The following GOLM2 variants were observed in gnomAD, a reference collection of about 807,000 sequenced individuals.
GOLM2 encodes golgi membrane protein 2.
GOLM2 carries 26 observed loss-of-function variants against 55.9 expected under a neutral mutation model. The observed-to-expected ratio is 0.47, with a 90% CI of 0.34 to 0.65. The LOEUF (loss-of-function observed/expected upper bound fraction) is 0.65. Among genes scored for constraint, GOLM2 ranks in the 30% least tolerant of loss-of-function variants. GOLM2 has a pLI of 0.01. For synonymous variants in GOLM2, 165 were observed against 194.6 expected, an observed-to-expected ratio of 0.85 and a Z score of 1.27; for missense variants, 486 against 531.8, an observed-to-expected ratio of 0.91 and a Z score of 0.85.
intron 3 of GOLM2, among the ~76,000 whole-genome samples, chr15:44,329,945 C>G (rs933746052): frequency 6.9e-6 from 1 of 145,002 alleles, no homozygotes; most frequent in Non-Finnish European, 1.5e-5. Flanking sequence ...GTCTCTCGCT[C>G]TGTCGCCCAG....
chr15:44,305,760 C>T (rs2078832777), intron 1 of GOLM2, among the ~76,000 whole-genome samples: 1 of 152,150 alleles, frequency 6.6e-6, no homozygotes, highest in South Asian at 2.1e-4. Flanking sequence ...ACTCCTTGCT[C>T]CATGGGTTGC....
At chr15:44,401,119 G>A (rs75260922) in intron 8 of GOLM2, among the ~76,000 whole-genome samples, 8 of 151,850 alleles carry the variant, frequency 5.3e-5, no homozygotes, top group African/African-American at 1.9e-4. Context: ...ATTTATCTAT[G>A]TATTTATCTT....
At position 44,414,504 on chromosome 15, in the gene GOLM2, A is replaced by G. The variant is rs574750928; in HGVS notation, c.*1098A>G. On this transcript the variant is annotated 3_prime_UTR_variant, in exon 10 of 10. Transcript: ENST00000299957. Reference sequence around the variant, plus strand: ...ATAGCCAGAACTGGCTAAAATTTTTATATTTTCAGAGTTGAAGTTGGTGAA... The same window carrying G: ...ATAGCCAGAACTGGCTAAAATTTTTGTATTTTCAGAGTTGAAGTTGGTGAA... 1.2e-4 allele frequency: 19 copies of G among 152,300 alleles called. No homozygotes were observed. The highest frequency in any genetic ancestry group is 3.4e-4 in the African/African-American group (14 of 41,576). The allele number at this position is 152,300 out of a possible 1,614,324, so 9.4% of individuals were successfully genotyped here. A position where few individuals can be genotyped will look rare whatever the true frequency, so the allele number is the denominator to read the frequency against.
intron 3 of GOLM2, among the ~76,000 whole-genome samples, chr15:44,329,696 A>G (rs560462545): frequency 6.6e-6 from 1 of 152,086 alleles, no homozygotes; most frequent in Non-Finnish European, 1.5e-5. Context: ...CCAGAAGTTA[A>G]AAGACCAGCC....
chr15:44,370,513 T>C (rs962830074), intron 6 of GOLM2, among the ~76,000 whole-genome samples: 2 of 152,070 alleles, frequency 1.3e-5, no homozygotes, highest in African/African-American at 4.8e-5. Flanking sequence ...CAGTGAGCTA[T>C]GATCATGCCA....
At chr15:44,292,895 G>T (rs1251012625) in intron 1 of GOLM2, among the ~76,000 whole-genome samples, 1 of 152,074 alleles carries the variant, frequency 6.6e-6, no homozygotes, top group Admixed American at 6.6e-5. Flanking sequence ...GTTTACTACA[G>T]CCTCAAACTC....
chr15:44,336,276 C>T (rs1434980008), intron 4 of GOLM2, among the ~76,000 whole-genome samples: 2 of 151,934 alleles, frequency 1.3e-5, no homozygotes, highest in African/African-American at 4.8e-5. Context: ...GCCACCACAC[C>T]CGGCTAATTT....
chr15:44,351,729 T>A (rs2079166486), intron 6 of GOLM2, among the ~76,000 whole-genome samples: 2 of 152,038 alleles, frequency 1.3e-5, no homozygotes, highest in Non-Finnish European at 2.9e-5. Context: ...TTCAGTAAAG[T>A]TGCAGCATAC....
chr15:44,368,303 A>ATTTT (rs1245673474), intron 6 of GOLM2, among the ~76,000 whole-genome samples: 7 of 115,666 alleles, frequency 6.1e-5, no homozygotes, highest in South Asian at 2.7e-4. Context: ...ACGCCCAGCT[A>ATTTT]TTTTTTTTTT....
In GOLM2 at chr15:44,411,828, CAA is replaced by C. The variant is rs60534778; in HGVS notation, c.1241-1489_1241-1488del. On this transcript the variant is annotated intron_variant, in intron 9 of 9. Coordinates refer to ENST00000299957, the MANE Select transcript of GOLM2 (RefSeq NM_138423.4). ...TGGGCGACAGAATGAGACTGCATCTCAAAAAAAAAAAAAAAAAAAATCCATGT... is the reference window on the plus strand; with the variant it reads ...TGGGCGACAGAATGAGACTGCATCTCAAAAAAAAAAAAAAAAAATCCATGT... Among the ~76,000 whole-genome samples, 605 of 68,300 alleles carry C rather than the reference CAA, an allele frequency of 8.9e-3. 3 individuals are homozygous for C. The highest frequency in any genetic ancestry group is 0.026 in the African/African-American group (561 of 21,272). 44.8% of individuals were successfully genotyped at this position (68,300 alleles called of 152,430 possible).
At chr15:44,394,570 A>G (rs1210273242) in intron 8 of GOLM2, among the ~76,000 whole-genome samples, 1 of 152,240 alleles carries the variant, frequency 6.6e-6, no homozygotes, top group Non-Finnish European at 1.5e-5. Context: ...CCCTTGAGAT[A>G]GAAATGTGGT....
At chr15:44,367,505 T>C (rs190891917) in intron 6 of GOLM2, among the ~76,000 whole-genome samples, 1 of 152,266 alleles carries the variant, frequency 6.6e-6, no homozygotes, top group East Asian at 1.9e-4. Flanking sequence ...TGTTAAAAGA[T>C]GCAGTTCCGG....
chr15:44,368,303 A>ATTTTTTTTTTTTTT (rs1245673474), intron 6 of GOLM2, among the ~76,000 whole-genome samples: 1 of 115,666 alleles, frequency 8.6e-6, no homozygotes, highest in African/African-American at 3.3e-5. Context: ...ACGCCCAGCT[A>ATTTTTTTTTTTTTT]TTTTTTTTTT....
At chr15:44,362,705 A>G (rs1272365179) in intron 6 of GOLM2, among the ~76,000 whole-genome samples, 1 of 152,182 alleles carries the variant, frequency 6.6e-6, no homozygotes, top group Non-Finnish European at 1.5e-5. Flanking sequence ...TAAAGTTCAT[A>G]TGGAACCAAA....
intron 6 of GOLM2, among the ~76,000 whole-genome samples, chr15:44,343,776 A>T (rs1157571255): frequency 6.6e-6 from 1 of 150,774 alleles, no homozygotes; most frequent in African/African-American, 2.4e-5. Flanking sequence ...GTGAACTGAG[A>T]TCGCGCCACT....
chr15:44,340,538 G>A (rs1298660354), intron 6 of GOLM2, among the ~76,000 whole-genome samples: 1 of 152,298 alleles, frequency 6.6e-6, no homozygotes, highest in African/African-American at 2.4e-5. Flanking sequence ...GATTATAGGC[G>A]GGAGCTGTGG....
intron 6 of GOLM2, among the ~76,000 whole-genome samples, chr15:44,367,688 G>C (rs965078949): frequency 1.3e-5 from 2 of 151,872 alleles, no homozygotes; most frequent in Non-Finnish European, 2.9e-5. Context: ...CCAGCTACTC[G>C]TGAGGCTTGG....
intron 6 of GOLM2, among the ~76,000 whole-genome samples, chr15:44,341,301 C>T (rs905831012): frequency 2.0e-5 from 3 of 151,892 alleles, no homozygotes; most frequent in Admixed American, 6.6e-5. Flanking sequence ...AGGATGGTCT[C>T]GATCTCCCAA....
At chr15:44,359,038 T>G (rs1012260574) in intron 6 of GOLM2, among the ~76,000 whole-genome samples, 2 of 151,654 alleles carry the variant, frequency 1.3e-5, no homozygotes, top group African/African-American at 4.8e-5. Flanking sequence ...GCGCCTCAGC[T>G]ACTAGGGAGG....
Sources: allele counts gnomAD v4.1 joint callset (sites outside exome capture counted in the v4.1 genomes callset), GRCh38; gene constraint gnomAD v4.1.1; transcripts MANE v1.5; gene names NCBI Gene and HGNC (gene_info 2026-07-23, HGNC 2026-07-21).